The following LRP1B variants were observed in gnomAD, a reference collection of about 807,000 sequenced individuals.
LRP1B encodes LDL receptor related protein 1B.
In LRP1B, 217 loss-of-function variants were observed where a neutral mutation model predicts 556.6. The observed-to-expected ratio is 0.39, with a 90% CI of 0.35 to 0.44. The LOEUF (loss-of-function observed/expected upper bound fraction) is 0.44. Ranked by LOEUF, LRP1B falls within the 20% of genes least tolerant of loss-of-function variation. The pLI, the probability that LRP1B is intolerant of heterozygous loss-of-function variation, is 1.00. For missense variants in LRP1B, 5,053 were observed against 5,620.8 expected, an observed-to-expected ratio of 0.90 and a Z score of 3.23; for synonymous variants, 2,047 against 1,865.8, an observed-to-expected ratio of 1.10 and a Z score of -2.50.
intron 7 of LRP1B, among the ~76,000 whole-genome samples, chr2:141,079,554 C>A (rs1368498330): frequency 6.6e-6 from 1 of 152,192 alleles, no homozygotes; most frequent in Non-Finnish European, 1.5e-5. Flanking sequence ...AATAATCCTG[C>A]AAGCAATAAT....
At chr2:140,623,960 A>G (rs868667088) in intron 41 of LRP1B, among the ~76,000 whole-genome samples, 7 of 137,886 alleles carry the variant, frequency 5.1e-5, no homozygotes, top group Non-Finnish European at 9.6e-5. Context: ...ATTTATGTAT[A>G]TATATATATA....
At chr2:140,503,152 T>G in intron 53 of LRP1B, 49 bp from the exon 54 acceptor site, 4 of 1,554,818 alleles carry the variant, frequency 2.6e-6, no homozygotes, top group Non-Finnish European at 3.5e-6. Context: ...CAAATACTAA[T>G]TGAAACGTCA....
intron 2 of LRP1B, among the ~76,000 whole-genome samples, chr2:141,559,348 T>TG (rs903659933): frequency 5.0e-4 from 76 of 151,760 alleles, no homozygotes; most frequent in African/African-American, 1.8e-3. Flanking sequence ...TTTAGTTCGG[T>TG]GGTGAATAAG....
chr2:140,457,746 T>A (rs1325140068), intron 60 of LRP1B, 95 bp from the exon 61 acceptor site: 3 of 968,088 alleles, frequency 3.1e-6, no homozygotes, highest in Non-Finnish European at 4.7e-6. Context: ...AACTGCTACA[T>A]AACTTCGTGT....
intron 2 of LRP1B, among the ~76,000 whole-genome samples, chr2:141,724,945 C>A (rs1393525447): frequency 6.6e-6 from 1 of 151,806 alleles, no homozygotes; most frequent in African/African-American, 2.4e-5. Context: ...TATTTCTAAC[C>A]AATATTGGTG....
At chr2:141,598,608 T>C (rs896760124) in intron 2 of LRP1B, among the ~76,000 whole-genome samples, 3 of 152,178 alleles carry the variant, frequency 2.0e-5, no homozygotes, top group Non-Finnish European at 4.4e-5. Context: ...ATCTCTATGG[T>C]ATGCTTTCAA....
intron 2 of LRP1B, among the ~76,000 whole-genome samples, chr2:141,583,906 A>ATTTTTTTTTTTTTTTTTTTTTTTTTTTTT (rs113916906): frequency 1.4e-5 from 2 of 145,482 alleles, no homozygotes; most frequent in African/African-American, 5.1e-5. Context: ...TGCCCGGCTA[A>ATTTTTTTTTTTTTTTTTTTTTTTTTTTTT]TTTTTTTTTT....
intron 1 of LRP1B, among the ~76,000 whole-genome samples, chr2:142,061,550 A>G (rs1335093416): frequency 1.3e-5 from 2 of 152,016 alleles, no homozygotes; most frequent in African/African-American, 4.8e-5. Flanking sequence ...CATGGACAAG[A>G]CTACATCTAT....
chr2:141,885,188 G>A (rs1699072265), intron 1 of LRP1B, among the ~76,000 whole-genome samples: 1 of 152,058 alleles, frequency 6.6e-6, no homozygotes, highest in Admixed American at 6.6e-5. Context: ...GTTCATTTTG[G>A]TGTAAGTGAA....
intron 71 of LRP1B, 49 bp from the exon 72 acceptor site, chr2:140,364,832 C>T (rs1318540410): frequency 6.4e-7 from 1 of 1,568,820 alleles, no homozygotes. Context: ...TAATCAGTGC[C>T]AGTCAGCAGG....
At chr2:142,074,757 C>A (rs979025891) in intron 1 of LRP1B, among the ~76,000 whole-genome samples, 10 of 152,146 alleles carry the variant, frequency 6.6e-5, no homozygotes, top group Admixed American at 1.3e-4. Flanking sequence ...AGTTACCAAA[C>A]AATGTTAATT....
chr2:140,979,372 A>C (rs532492635), intron 18 of LRP1B, among the ~76,000 whole-genome samples: 133 of 152,340 alleles, frequency 8.7e-4, no homozygotes, highest in Non-Finnish European at 1.5e-3. Context: ...ATGAATTTAC[A>C]ATTAAACATA....
At chr2:140,462,770 A>T (rs554493168) in intron 60 of LRP1B, among the ~76,000 whole-genome samples, 19 of 152,272 alleles carry the variant, frequency 1.2e-4, no homozygotes, top group African/African-American at 4.3e-4. Flanking sequence ...TTCATCTAAC[A>T]TATATCTTCC....
intron 7 of LRP1B, among the ~76,000 whole-genome samples, chr2:141,178,840 TTCTTGAATAA>T (rs201371356): frequency 0.27 from 40,906 of 151,904 alleles, 6,102 homozygotes; most frequent in East Asian, 0.62. Flanking sequence ...GGAACCTTGA[TTCTTGAATAA>T]CTCCTTGATA....
chr2:140,431,839 A>C (rs1685958218), intron 66 of LRP1B, among the ~76,000 whole-genome samples: 1 of 151,674 alleles, frequency 6.6e-6, no homozygotes. Flanking sequence ...AATTCCTCCT[A>C]CTCTAGGTTC....
At chr2:140,714,130 G>T (rs1393145000) in intron 37 of LRP1B, among the ~76,000 whole-genome samples, 2 of 152,080 alleles carry the variant, frequency 1.3e-5, no homozygotes, top group African/African-American at 4.8e-5. Flanking sequence ...AAAACTCATT[G>T]TGAATAGAGG....
At chr2:141,905,864 T>A (rs1317201157) in intron 1 of LRP1B, among the ~76,000 whole-genome samples, 1 of 150,426 alleles carries the variant, frequency 6.6e-6, no homozygotes, top group African/African-American at 2.5e-5. Flanking sequence ...TGTGTCTCTG[T>A]GTATATACAT....
At chr2:141,144,755 C>G in intron 7 of LRP1B, among the ~76,000 whole-genome samples, 1 of 152,136 alleles carries the variant, frequency 6.6e-6, no homozygotes, top group African/African-American at 2.4e-5. Context: ...TCTGGCATAA[C>G]TGGAAATGTC....
At chr2:141,458,258 T>C (rs568397863) in intron 3 of LRP1B, among the ~76,000 whole-genome samples, 1 of 152,310 alleles carries the variant, frequency 6.6e-6, no homozygotes, top group South Asian at 2.1e-4. Flanking sequence ...TGTTTTGAAG[T>C]GTTTCTACTT....
Sources: gnomAD v4.1 joint callset for allele counts (sites outside exome capture counted in the v4.1 genomes callset) on GRCh38, gnomAD v4.1.1 for gene constraint, MANE v1.5 for transcripts, NCBI Gene and HGNC (gene_info 2026-07-23, HGNC 2026-07-21) for gene names.